The following ARHGEF7 variants were observed in gnomAD, a reference collection of about 807,000 sequenced individuals.
ARHGEF7 encodes the protein PAK-interacting exchange factor beta.
A neutral mutation model predicts 109.8 loss-of-function variants in ARHGEF7; 33 were observed. The ratio of observed to expected loss-of-function variants is 0.30; its 90% CI spans 0.23 to 0.40. ARHGEF7 has a LOEUF of 0.40. ARHGEF7 is among the 10% of genes least tolerant of loss of function. The pLI is 1.00. For synonymous variants in ARHGEF7, 458 were observed against 424.6 expected (o/e 1.08, Z -0.97); for missense variants, 938 against 1,098.5 (o/e 0.85, Z 2.07).
chr13:111,153,500 C>T (rs1023377357), intron 1 of ARHGEF7: 3 of 452,464 alleles, frequency 6.6e-6, no homozygotes, highest in Non-Finnish European at 9.0e-6. Flanking sequence ...CCGGTGGGCT[C>T]CCTCTACCGG....
At chr13:111,174,740 G>T (rs920504634) in intron 2 of ARHGEF7, among the ~76,000 whole-genome samples, 1 of 152,230 alleles carries the variant, frequency 6.6e-6, no homozygotes, top group Non-Finnish European at 1.5e-5. Flanking sequence ...TGCCTCAGCT[G>T]TGCTAGCGGT....
rs1204377144 is a variant in ARHGEF7 at position 111,133,044 on chromosome 13, A to G, written c.165+17353A>G. ...CACATGCACAGATATACACATGCATATACACATATGTATGCACACATATAC... is the reference window on the plus strand; with the variant it reads ...CACATGCACAGATATACACATGCATGTACACATATGTATGCACACATATAC... On this transcript the variant is annotated intron_variant, in intron 1 of 21. Coordinates refer to ENST00000646102, the MANE Select transcript of ARHGEF7 (RefSeq NM_001354046.2). Among the ~76,000 whole-genome samples, 4 of 152,082 alleles carry G rather than the reference A, an allele frequency of 2.6e-5. No individual in the cohort carries two copies. In the South Asian group the frequency reaches 6.2e-4, roughly 24 times the overall value.
chr13:111,232,310 CTGTCTG>C (rs2086188951), intron 5 of ARHGEF7, among the ~76,000 whole-genome samples: 1 of 152,258 alleles, frequency 6.6e-6, no homozygotes, highest in African/African-American at 2.4e-5. Context: ...GACACAGACA[CTGTCTG>C]TAGAACTGAT....
At chr13:111,286,124 C>T (rs779549337) in intron 16 of ARHGEF7, 23 bp from the exon 17 acceptor site, 15 of 1,583,468 alleles carry the variant, frequency 9.5e-6, no homozygotes, top group Non-Finnish European at 1.3e-5. Flanking sequence ...AGTATGTTAG[C>T]ATTTTCTTTT....
chr13:111,283,732 G>A (rs142852297), intron 16 of ARHGEF7, among the ~76,000 whole-genome samples: 5 of 152,294 alleles, frequency 3.3e-5, no homozygotes, highest in Non-Finnish European at 5.9e-5. Flanking sequence ...TGCGTCTAAC[G>A]ACCCCTCCTC....
Position 111,239,132 on chromosome 13 carries a change from C to A in ARHGEF7, c.760-4740C>A, listed in dbSNP as rs1161481755. ...AACGCGCTGCGTGCCCCTGCTCCCC[C>A]ACACCCCCGTGCCATGATTCAGTTA... On this transcript the variant is annotated intron_variant, in intron 6 of 21. Transcript: ENST00000646102. This position sits in a 1 kb window ranked among gnomAD's most constrained non-coding sequence, Gnocchi z 4.3. 1.3e-5 allele frequency among the ~76,000 whole-genome samples: 2 copies of A among 152,154 alleles called. No homozygotes were observed. The highest frequency in any genetic ancestry group is 2.9e-5 in the Non-Finnish European group (2 of 68,028).
At chr13:111,176,477 A>T (rs1219377525) in intron 2 of ARHGEF7, among the ~76,000 whole-genome samples, 1 of 151,986 alleles carries the variant, frequency 6.6e-6, no homozygotes, top group Non-Finnish European at 1.5e-5. Context: ...CTTCCTCCCC[A>T]GTTTCTTCCT....
chr13:111,254,446 C>T lies in ARHGEF7; in HGVS notation c.950+10152C>T, dbSNP rs1396710205. On this transcript the variant is annotated intron_variant, in intron 8 of 21. Transcript: ENST00000646102. ...TGAAGGCCGGGCTCAGAAGAGGATT[C>T]GGGCTAAGGCGCTGAGTCGCTAACA... Among the ~76,000 whole-genome samples the T allele has an allele frequency of 6.0e-5, 8 of 133,296 alleles. No individual in the cohort carries two copies. The East Asian group carries it at 1.8e-3, about 29-fold the overall frequency. The allele number at this position is 133,296 out of a possible 152,430, so 87.4% of individuals were successfully genotyped here.
At chr13:111,121,745 C>T (rs1412195386) in intron 1 of ARHGEF7, among the ~76,000 whole-genome samples, 3 of 152,332 alleles carry the variant, frequency 2.0e-5, no homozygotes, top group South Asian at 4.1e-4. Flanking sequence ...CGGTCCTCTG[C>T]GTGCTTCAGA....
At chr13:111,193,144 G>C (rs2080098365) in intron 2 of ARHGEF7, among the ~76,000 whole-genome samples, 2 of 152,196 alleles carry the variant, frequency 1.3e-5, no homozygotes. Flanking sequence ...AGGGTTTTAA[G>C]TATTTTCCAC....
intron 1 of ARHGEF7, among the ~76,000 whole-genome samples, chr13:111,152,541 T>C (rs1002265277): frequency 2.0e-5 from 3 of 152,228 alleles, no homozygotes; most frequent in Non-Finnish European, 2.9e-5. Flanking sequence ...TTCATCCCTT[T>C]TGGCATTGCT....
intron 8 of ARHGEF7, among the ~76,000 whole-genome samples, chr13:111,262,550 C>T (rs185199221): frequency 2.9e-4 from 44 of 152,300 alleles, no homozygotes. Context: ...GAGGTTCCCC[C>T]AGCACATTGC....
intron 8 of ARHGEF7, among the ~76,000 whole-genome samples, chr13:111,267,260 CATCT>C (rs1344433516): frequency 6.6e-6 from 1 of 152,208 alleles, no homozygotes; most frequent in Admixed American, 6.5e-5. Flanking sequence ...GGCTCTGTGA[CATCT>C]GTTTTTCTCA....
rs1309043095 is a variant in ARHGEF7 at position 111,274,879 on chromosome 13, TAAAA to T, written c.1272+92_1272+95del. 4 of 949,048 alleles carry T rather than the reference TAAAA, an allele frequency of 4.2e-6. No individual in the cohort carries two copies. In the South Asian group the frequency reaches 1.2e-4, roughly 29 times the overall value. 58.8% of individuals were successfully genotyped at this position (949,048 alleles called of 1,614,324 possible). On this transcript the variant is annotated intron_variant, in intron 11 of 21. Transcript: ENST00000646102. The stretch of plus-strand genomic sequence containing the variant: ...TTATCAACTGAAAAAGTCAAATGAT[TAAAA>T]AATGACTTGTGCTGACATGAAAGAA...
At chr13:111,188,618 G>A (rs545783122) in intron 2 of ARHGEF7, among the ~76,000 whole-genome samples, 9 of 152,328 alleles carry the variant, frequency 5.9e-5, no homozygotes, top group African/African-American at 2.2e-4. Flanking sequence ...TAAAACAGCA[G>A]CCGTTAGCAG....
chr13:111,153,719 A>C lies in ARHGEF7; in HGVS notation c.166-186A>C, dbSNP rs563156856. On this transcript the variant is annotated intron_variant, in intron 1 of 21. Coordinates refer to ENST00000646102, the MANE Select transcript of ARHGEF7 (RefSeq NM_001354046.2). ...TGGTGCAGCCCCGGAGGAAGAAAAA[A>C]GGGTGAGGAGAAGCAGCGGCTGAGC... 167 of 1,320,624 alleles carry C rather than the reference A, an allele frequency of 1.3e-4. 1 individual carries two copies. The South Asian group carries it at 2.1e-3, about 17-fold the overall frequency. 81.8% of individuals were successfully genotyped at this position (1,320,624 alleles called of 1,614,324 possible).
chr13:111,260,890 C>T (rs1034830160), intron 8 of ARHGEF7, among the ~76,000 whole-genome samples: 1 of 152,146 alleles, frequency 6.6e-6, no homozygotes, highest in African/African-American at 2.4e-5. Flanking sequence ...TGTTTCCTTG[C>T]TTGTTACATT....
chr13:111,183,100 T>C (rs926250647), intron 2 of ARHGEF7, among the ~76,000 whole-genome samples: 3 of 152,188 alleles, frequency 2.0e-5, no homozygotes, highest in Non-Finnish European at 4.4e-5. Flanking sequence ...CCATTGTGAG[T>C]TGAGCATCTG....
At chr13:111,159,224 TAA>T (rs1304590772) in intron 2 of ARHGEF7, 4 of 621,388 alleles carry the variant, frequency 6.4e-6, no homozygotes, top group African/African-American at 5.5e-5. Context: ...TTCCTTTTTT[TAA>T]AAGTCTGACT....
Sources: allele counts gnomAD v4.1 joint callset (sites outside exome capture counted in the v4.1 genomes callset), GRCh38; gene constraint gnomAD v4.1.1; non-coding constraint Gnocchi (gnomAD v3.1); transcripts MANE v1.5; gene names NCBI Gene and HGNC (gene_info 2026-07-23, HGNC 2026-07-21).